Variants in ITGA1 observed in about 807,000 individuals in gnomAD.
ITGA1 encodes the protein integrin subunit alpha 1.
Under a neutral mutation model 145.9 loss-of-function variants are expected in ITGA1, and 85 were observed. The ratio of observed to expected loss-of-function variants is 0.58; its 90% CI spans 0.49 to 0.70. ITGA1 has a LOEUF of 0.70. Ranked by LOEUF, ITGA1 falls within the 30% of genes least tolerant of loss-of-function variation. The probability of loss-of-function intolerance (pLI) is 0.00; values close to 1 mark genes in which losing one functional copy is unlikely to be tolerated. For synonymous variants in ITGA1, 520 were observed against 495.3 expected, an observed-to-expected ratio of 1.05 and a Z score of -0.66; for missense variants, 1,351 against 1,418.7, an observed-to-expected ratio of 0.95 and a Z score of 0.77.
chr5:52,925,525 A>G (rs563889339), intron 19 of ITGA1, 38 bp downstream of exon 19: 1 of 1,432,248 alleles, frequency 7.0e-7, no homozygotes, highest in Non-Finnish European at 9.8e-7. Flanking sequence ...TTCTCTTAAC[A>G]TCATTTACCT....
Position 52,890,651 on chromosome 5 carries a change from G to A in ITGA1, c.924+2686G>A, listed in dbSNP as rs147871244. Among the ~76,000 whole-genome samples, 1,359 of 152,216 alleles carry A rather than the reference G, an allele frequency of 8.9e-3. 30 individuals carry two copies. The highest frequency in any genetic ancestry group is 0.031 in the African/African-American group (1,290 of 41,530). On this transcript the variant is annotated intron_variant, in intron 8 of 28. Transcript: ENST00000282588. ...CTGGTACATGTGATATTTTGATACA[G>A]GCATACAGTGGCTAATGATCAAATC...
At chr5:52,844,034 A>C (rs961812071) in intron 1 of ITGA1, among the ~76,000 whole-genome samples, 1 of 152,150 alleles carries the variant, frequency 6.6e-6, no homozygotes, top group African/African-American at 2.4e-5. Context: ...TAGTTTTCTT[A>C]CATATCAAAT....
intron 14 of ITGA1, among the ~76,000 whole-genome samples, chr5:52,914,637 A>C (rs187527869): frequency 0.011 from 1,617 of 151,458 alleles, 24 homozygotes; most frequent in African/African-American, 0.037. Flanking sequence ...AACGAGCCTC[A>C]CCTGTTTAAG....
intron 1 of ITGA1, among the ~76,000 whole-genome samples, chr5:52,847,163 G>C (rs551828936): frequency 6.6e-6 from 1 of 152,158 alleles, no homozygotes; most frequent in East Asian, 1.9e-4. Context: ...AAGAAAGGAG[G>C]TTTTAGAAGT....
At chr5:52,902,893 C>A (rs1230497022) in intron 11 of ITGA1, 2 of 151,986 alleles carry the variant, frequency 1.3e-5, no homozygotes, top group Non-Finnish European at 2.9e-5. Flanking sequence ...CCATCTTATT[C>A]TTTTCTTTTT....
In ITGA1 at chr5:52,881,737, A is replaced by G. The variant is rs551668501; in HGVS notation, c.625-136A>G. ...AGAATGGCTATGCTTATTACTGTCA[A>G]AATAGAAGCATTTGTGTACTGATAG... On this transcript the variant is annotated intron_variant, in intron 6 of 28. Coordinates refer to ENST00000282588, the MANE Select transcript of ITGA1 (RefSeq NM_181501.2). The G allele has an allele frequency of 4.6e-5, 30 of 659,096 alleles. No homozygotes were observed. In the Middle Eastern group the frequency reaches 1.5e-3, roughly 33 times the overall value. 40.8% of individuals were successfully genotyped at this position (659,096 alleles called of 1,614,324 possible).
intron 17 of ITGA1, among the ~76,000 whole-genome samples, chr5:52,920,672 T>G (rs113288550): frequency 0.015 from 2,270 of 152,334 alleles, 67 homozygotes; most frequent in African/African-American, 0.051. Flanking sequence ...ATCTCTAGTC[T>G]TCCCTGTCTG....
chr5:52,945,411 C>A (rs1751120969), intron 27 of ITGA1, among the ~76,000 whole-genome samples: 1 of 152,084 alleles, frequency 6.6e-6, no homozygotes, highest in South Asian at 2.1e-4. Context: ...AAAACAACTT[C>A]TTTATAAAAA....
Position 52,908,895 on chromosome 5 carries a change from T to C in ITGA1, c.1456-3T>C, listed in dbSNP as rs1750452664. The C allele has an allele frequency of 1.2e-6, 2 of 1,613,438 alleles. No individual in the cohort carries two copies. Among genetic ancestry groups the C allele is most frequent in the Non-Finnish European group, 1.7e-6 (2 of 1,179,658 alleles). On this transcript the variant is annotated splice_region_variant and splice_polypyrimidine_tract_variant and intron_variant, in intron 12 of 28. Transcript: ENST00000282588. ...GGCTGTTTTGTTTCATTTTGTGTCC[T>C]AGATTGGTTCCTACTTTGGCAGTAT...
rs555115685 is a variant in ITGA1, at chr5:52,920,639, C to T, written c.2292+171C>T. Among the ~76,000 whole-genome samples, 8 of 152,308 alleles carry T rather than the reference C, an allele frequency of 5.3e-5. No individual in the cohort carries two copies. In the South Asian group the frequency reaches 6.2e-4, roughly 12 times the overall value. On this transcript the variant is annotated intron_variant, in intron 17 of 28. Transcript: ENST00000282588. ...CATAAAATCGCAGGTCTAATTTTCT[C>T]ATTTCCAAATATTTGTAAAACTATC...
chr5:52,924,048 G>C (rs1055238246), intron 18 of ITGA1, among the ~76,000 whole-genome samples: 2 of 152,196 alleles, frequency 1.3e-5, no homozygotes, highest in Admixed American at 6.5e-5. Flanking sequence ...CCCTGAGAGT[G>C]GAGTGAGGGG....
chr5:52,915,692 T>G, intron 15 of ITGA1, 98 bp downstream of exon 15: 1 of 1,421,582 alleles, frequency 7.0e-7, no homozygotes, highest in East Asian at 2.3e-5. Context: ...TCTATTTCCT[T>G]TTGTGTTCCA....
At chr5:52,910,946 T>C (rs975190374) in intron 14 of ITGA1, among the ~76,000 whole-genome samples, 2 of 137,678 alleles carry the variant, frequency 1.5e-5, no homozygotes, top group African/African-American at 5.3e-5. Context: ...ATGTATACTG[T>C]ATATAGTATA....
At chr5:52,891,515 T>C (rs1039441624) in intron 8 of ITGA1, among the ~76,000 whole-genome samples, 3 of 149,554 alleles carry the variant, frequency 2.0e-5, no homozygotes, top group Non-Finnish European at 4.4e-5. Flanking sequence ...ATTTTGCTTG[T>C]GTCCAGTTTG....
At chr5:52,871,099 G>C (rs1749769417) in intron 6 of ITGA1, among the ~76,000 whole-genome samples, 1 of 152,152 alleles carries the variant, frequency 6.6e-6, no homozygotes, top group African/African-American at 2.4e-5. Flanking sequence ...TCAACTACAG[G>C]CTTCTTACCT....
At chr5:52,835,495 T>C (rs1398768107) in intron 1 of ITGA1, among the ~76,000 whole-genome samples, 1 of 152,174 alleles carries the variant, frequency 6.6e-6, no homozygotes, top group African/African-American at 2.4e-5. Context: ...GAATACAAGA[T>C]GTTTCAGGGA....
At chr5:52,814,353 G>T (rs1171924420) in intron 1 of ITGA1, among the ~76,000 whole-genome samples, 1 of 152,098 alleles carries the variant, frequency 6.6e-6, no homozygotes, top group Non-Finnish European at 1.5e-5. Context: ...GACCAGGCTG[G>T]TCTCAAACTT....
In ITGA1 at chr5:52,922,790, T is replaced by C. The variant is rs1750749591; in HGVS notation, c.2306T>C (p.Phe769Ser). 3 of 1,610,514 alleles carry C rather than the reference T, an allele frequency of 1.9e-6. No individual in the cohort carries two copies. The change falls in exon 18 of 29, where the codon TTT becomes TCT. Residue 769 changes from phenylalanine to serine, a missense_variant. Coordinates refer to ENST00000282588, the MANE Select transcript of ITGA1 (RefSeq NM_181501.2). ...HSFYMLDKHDFQDSVRITLDF... is the reference protein window; with the variant it reads ...HSFYMLDKHDSQDSVRITLDF... ...TTCACCCTCTAGGACAAGCATGACT[T>C]TCAGGACTCTGTGAGAATAACGTTG...
At chr5:52,868,172 T>C (rs1314208406) in intron 6 of ITGA1, among the ~76,000 whole-genome samples, 2 of 152,218 alleles carry the variant, frequency 1.3e-5, no homozygotes, top group East Asian at 1.9e-4. Context: ...GCTTGAAATA[T>C]TTTTTACAAT....
Sources: allele counts gnomAD v4.1 joint callset (sites outside exome capture counted in the v4.1 genomes callset), GRCh38; gene constraint gnomAD v4.1.1; transcripts MANE v1.5; gene names NCBI Gene and HGNC (gene_info 2026-07-23, HGNC 2026-07-21).